The following GRM3 variants were observed in gnomAD, a reference collection of about 807,000 sequenced individuals.
GRM3 encodes metabotropic glutamate receptor 3.
Under a neutral mutation model 70.5 loss-of-function variants are expected in GRM3, and 26 were observed. The observed-to-expected ratio is 0.37, with a 90% confidence interval of 0.27 to 0.51. The LOEUF is 0.51. Ranked by LOEUF, GRM3 falls within the 20% of genes least tolerant of loss-of-function variation. The pLI, the probability that GRM3 is intolerant of heterozygous loss-of-function variation, is 0.93. For missense variants in GRM3, 859 were observed against 1,123.8 expected (o/e 0.76, Z 3.37); for synonymous variants, 443 against 434.9 (o/e 1.02, Z -0.23).
chr7:86,858,279 C>T (rs1798889559), intron 5 of GRM3, among the ~76,000 whole-genome samples: 1 of 152,010 alleles, frequency 6.6e-6, no homozygotes, highest in African/African-American at 2.4e-5. Context: ...TTTAAAGCAA[C>T]ATGATGTGGC....
chr7:86,839,247 T>C lies in GRM3; in HGVS notation c.1733T>C (p.Ile578Thr), dbSNP rs751518680. Residue 578 changes from isoleucine to threonine, a missense_variant, in exon 4 of 6, where the codon ATT becomes ACT. Coordinates refer to ENST00000361669, the MANE Select transcript of GRM3 (RefSeq NM_000840.3). The surrounding 1 kb of genome is among the most constrained non-coding windows in gnomAD (Gnocchi z 4.5). ...ATCAGGTGGGAAGACGCCTGGGCCA[T>C]TGGCCCAGTCACCATTGCCTGTCTG... ...DYIRWEDAWA[I>T]GPVTIACLGF... 15 of 1,613,156 alleles carry C rather than the reference T, an allele frequency of 9.3e-6. No individual in the cohort carries two copies. The highest frequency in any genetic ancestry group is 1.3e-5 in the African/African-American group (1 of 74,902).
chr7:86,766,610 T>C (rs6943659), intron 2 of GRM3, among the ~76,000 whole-genome samples: 63,743 of 151,962 alleles, frequency 0.42, 15,812 homozygotes, highest in African/African-American at 0.7. Flanking sequence ...TGGTAGAAAG[T>C]ACAAGAACTA....
At chr7:86,722,814 C>T (rs1795503135) in intron 1 of GRM3, among the ~76,000 whole-genome samples, 2 of 152,044 alleles carry the variant, frequency 1.3e-5, no homozygotes, top group African/African-American at 4.8e-5. Flanking sequence ...GAGAACAACT[C>T]CTCTTTACGT....
chr7:86,782,372 C>A (rs981459912), intron 2 of GRM3, among the ~76,000 whole-genome samples: 1 of 151,218 alleles, frequency 6.6e-6, no homozygotes, highest in African/African-American at 2.4e-5. Flanking sequence ...GTGTGATAAC[C>A]TTTTTATATT....
intron 1 of GRM3, among the ~76,000 whole-genome samples, chr7:86,673,378 C>T (rs1396530684): frequency 6.6e-6 from 1 of 152,084 alleles, no homozygotes; most frequent in Non-Finnish European, 1.5e-5. Context: ...CTATCCACTT[C>T]AAAACTCACC....
chr7:86,674,968 C>T (rs1794270383), intron 1 of GRM3, among the ~76,000 whole-genome samples: 1 of 152,116 alleles, frequency 6.6e-6, no homozygotes, highest in Non-Finnish European at 1.5e-5. Context: ...AGGCCAAGGA[C>T]TCATCTCTTC....
chr7:86,828,111 C>CAAAA (rs55645713), intron 3 of GRM3, among the ~76,000 whole-genome samples: 4 of 68,302 alleles, frequency 5.9e-5, no homozygotes, highest in South Asian at 6.9e-4. Flanking sequence ...AACTCCGTAT[C>CAAAA]AAAAAAAAAA....
chr7:86,791,102 A>G (rs1797404674), intron 3 of GRM3, among the ~76,000 whole-genome samples: 1 of 152,202 alleles, frequency 6.6e-6, no homozygotes, highest in African/African-American at 2.4e-5. Context: ...GATTTTGAAT[A>G]GCAGTTAACC....
chr7:86,680,175 A>G (rs1794409562), intron 1 of GRM3, among the ~76,000 whole-genome samples: 1 of 152,148 alleles, frequency 6.6e-6, no homozygotes, highest in Admixed American at 6.6e-5. Context: ...ATCATGATAA[A>G]GCGCCTAGGA....
At chr7:86,772,278 A>G (rs1796765018) in intron 2 of GRM3, among the ~76,000 whole-genome samples, 1 of 152,098 alleles carries the variant, frequency 6.6e-6, no homozygotes. Flanking sequence ...AGAAGGCTCA[A>G]AATCTTTATG....
In GRM3 at chr7:86,652,434, G is replaced by A. The variant is rs1369036431; in HGVS notation, c.-141+7562G>A. Among the ~76,000 whole-genome samples the A allele has an allele frequency of 2.6e-5, 4 of 152,168 alleles. No individual in the cohort carries two copies. The East Asian group carries it at 7.7e-4, about 29-fold the overall frequency. The stretch of plus-strand genomic sequence containing the variant: ...CAACTTCCGCCTCCCGGATTCAAGC[G>A]ATTTTCCTGCCTCAGCCTCCCAAGT... On this transcript the variant is annotated intron_variant, in intron 1 of 5. Coordinates refer to ENST00000361669, the MANE Select transcript of GRM3 (RefSeq NM_000840.3).
intron 1 of GRM3, among the ~76,000 whole-genome samples, chr7:86,656,260 C>CTTTTTTTTTTTTTTTTTTTT (rs1165969016): frequency 1.2e-5 from 1 of 83,276 alleles, no homozygotes; most frequent in African/African-American, 4.9e-5. Context: ...ATACTATGTT[C>CTTTTTTTTTTTTTTTTTTTT]TTTTTTTTTT....
chr7:86,828,258 A>C (rs921853626), intron 3 of GRM3, among the ~76,000 whole-genome samples: 2 of 152,166 alleles, frequency 1.3e-5, no homozygotes, highest in Admixed American at 1.3e-4. Flanking sequence ...CTACCAAAAA[A>C]ATCACAACGA....
chr7:86,825,572 T>C (rs956430615), intron 3 of GRM3, among the ~76,000 whole-genome samples: 3 of 152,206 alleles, frequency 2.0e-5, no homozygotes, highest in African/African-American at 4.8e-5. Context: ...ACACAGAAAG[T>C]CAAATGCATG....
At chr7:86,737,556 A>C (rs186798882) in intron 1 of GRM3, among the ~76,000 whole-genome samples, 79 of 152,316 alleles carry the variant, frequency 5.2e-4, no homozygotes, top group African/African-American at 1.7e-3. Flanking sequence ...GCACATAATG[A>C]AGTACTCAAT....
At chr7:86,853,116 T>A (rs1279008469) in intron 5 of GRM3, among the ~76,000 whole-genome samples, 1 of 152,164 alleles carries the variant, frequency 6.6e-6, no homozygotes, top group Non-Finnish European at 1.5e-5. Flanking sequence ...GTGGTTTTCA[T>A]ACTGTAGACT....
In GRM3 at chr7:86,786,515, C is replaced by T. The variant is rs923538983; in HGVS notation, c.723C>T (p.Ile241=). The T allele has an allele frequency of 8.1e-6, 13 of 1,614,142 alleles. No individual in the cohort carries two copies. The East Asian group carries it at 1.8e-4, about 22-fold the overall frequency. The stretch of plus-strand genomic sequence containing the variant: ...AAGCCCGCCTGCGCAACATCTGCAT[C>T]GCTACGGCGGAGAAGGTGGGCCGCT... ...EQEARLRNIC[I]ATAEKVGRSN... The change falls in exon 3 of 6, where the codon ATC becomes ATT. Residue 241 remains isoleucine (I), a synonymous_variant. Transcript: ENST00000361669. The surrounding 1 kb of genome is among the most constrained non-coding windows in gnomAD (Gnocchi z 6.0).
At chr7:86,764,763 T>C (rs1796560128) in intron 1 of GRM3, among the ~76,000 whole-genome samples, 2 of 152,078 alleles carry the variant, frequency 1.3e-5, no homozygotes, top group African/African-American at 2.4e-5. Flanking sequence ...AAGTACACTT[T>C]GTAAGGTCAC....
intron 1 of GRM3, among the ~76,000 whole-genome samples, chr7:86,688,851 G>A (rs1218888881): frequency 6.8e-6 from 1 of 147,946 alleles, no homozygotes; most frequent in East Asian, 2.0e-4. Context: ...CTTTTTAAGG[G>A]TTTTAAAATT....
Sources: allele counts gnomAD v4.1 joint callset (sites outside exome capture counted in the v4.1 genomes callset), GRCh38; gene constraint gnomAD v4.1.1; non-coding constraint Gnocchi (gnomAD v3.1); transcripts MANE v1.5; gene names NCBI Gene and HGNC (gene_info 2026-07-23, HGNC 2026-07-21).